The following CWC27 variants were observed in gnomAD, a reference collection of about 807,000 sequenced individuals.
CWC27 encodes CWC27 spliceosome associated cyclophilin.
CWC27 carries 47 observed loss-of-function variants against 63.6 expected under a neutral mutation model. The observed-to-expected ratio is 0.74, with a 90% CI of 0.58 to 0.94. CWC27 has a LOEUF of 0.94. CWC27 is among the 40% of genes least tolerant of loss of function. CWC27 has a pLI of 0.00. For synonymous variants in CWC27, 175 were observed against 179.8 expected (o/e 0.97, Z 0.22); for missense variants, 495 against 554.3 (o/e 0.89, Z 1.07).
At chr5:64,872,873 C>G (rs1472082022) in intron 10 of CWC27, among the ~76,000 whole-genome samples, 1 of 152,154 alleles carries the variant, frequency 6.6e-6, no homozygotes, top group Admixed American at 6.6e-5. Context: ...CCCAAACCCC[C>G]ACATTTCCCT....
chr5:64,986,558 A>T (rs1162693152), intron 13 of CWC27, among the ~76,000 whole-genome samples: 1 of 152,250 alleles, frequency 6.6e-6, no homozygotes, highest in African/African-American at 2.4e-5. Context: ...AGAGCAAGTT[A>T]GAAAGTGTTC....
At chr5:65,006,960 C>G (rs996540397) in intron 13 of CWC27, among the ~76,000 whole-genome samples, 1 of 121,116 alleles carries the variant, frequency 8.3e-6, no homozygotes, top group Non-Finnish European at 1.7e-5. Flanking sequence ...TTTAAAAAGA[C>G]AGAAAGAAAG....
chr5:65,005,956 CGA>C (rs763788618), intron 13 of CWC27, among the ~76,000 whole-genome samples: 14 of 151,918 alleles, frequency 9.2e-5, no homozygotes, highest in Admixed American at 2.6e-4. Flanking sequence ...CAAAGCAAAC[CGA>C]GAGTCATAGG....
At chr5:64,983,159 C>G (rs1443384291) in intron 13 of CWC27, among the ~76,000 whole-genome samples, 1 of 152,062 alleles carries the variant, frequency 6.6e-6, no homozygotes, top group African/African-American at 2.4e-5. Context: ...CCTGAGAACT[C>G]CAAAGAGCTT....
intron 11 of CWC27, among the ~76,000 whole-genome samples, chr5:64,952,255 A>G (rs1748723470): frequency 6.6e-6 from 1 of 151,962 alleles, no homozygotes; most frequent in Non-Finnish European, 1.5e-5. Flanking sequence ...ATACAGAAAC[A>G]TTTTTTTCCA....
chr5:64,934,949 C>A (rs981238054), intron 11 of CWC27, among the ~76,000 whole-genome samples: 2 of 151,812 alleles, frequency 1.3e-5, no homozygotes, highest in Non-Finnish European at 2.9e-5. Flanking sequence ...TTGATGAGGT[C>A]ATTTGGTTTT....
At position 64,919,104 on chromosome 5, in the gene CWC27, A is replaced by G. The variant is rs149276981; in HGVS notation, c.1042+33558A>G. Among the ~76,000 whole-genome samples, 344 of 152,328 alleles carry G rather than the reference A, an allele frequency of 2.3e-3. 1 individual carries two copies. Among genetic ancestry groups the G allele is most frequent in the African/African-American group, 7.9e-3 (327 of 41,576 alleles). On this transcript the variant is annotated intron_variant, in intron 11 of 13. Transcript: ENST00000381070. Reference sequence around the variant, plus strand: ...GATTTCCATATATTTTTGCTGTACAATTTAAAACATTATAATCTCTAAAGA... The same window carrying G: ...GATTTCCATATATTTTTGCTGTACAGTTTAAAACATTATAATCTCTAAAGA...
At chr5:65,015,673 A>C (rs1750037301) in intron 13 of CWC27, among the ~76,000 whole-genome samples, 1 of 152,192 alleles carries the variant, frequency 6.6e-6, no homozygotes, top group Admixed American at 6.5e-5. Context: ...CAAAGATTGT[A>C]AGAAGTGTTG....
intron 11 of CWC27, among the ~76,000 whole-genome samples, chr5:64,916,053 T>C (rs1426711384): frequency 6.6e-6 from 1 of 152,190 alleles, no homozygotes; most frequent in Non-Finnish European, 1.5e-5. Flanking sequence ...AAAGCTCAAG[T>C]ACCATTTTCT....
chr5:64,943,798 G>A (rs1231254719), intron 11 of CWC27, among the ~76,000 whole-genome samples: 1 of 151,912 alleles, frequency 6.6e-6, no homozygotes, highest in Non-Finnish European at 1.5e-5. Flanking sequence ...GAAGCAAAAG[G>A]GCTTTCTCCT....
chr5:64,821,664 A>G (rs781059421), intron 10 of CWC27, among the ~76,000 whole-genome samples: 2 of 152,194 alleles, frequency 1.3e-5, no homozygotes, highest in African/African-American at 2.4e-5. Flanking sequence ...TCTCTTTACC[A>G]TAGGATCAGA....
intron 10 of CWC27, among the ~76,000 whole-genome samples, chr5:64,810,253 G>A (rs1744837260): frequency 6.6e-6 from 1 of 151,970 alleles, no homozygotes; most frequent in Non-Finnish European, 1.5e-5. Context: ...CATTGGTTGA[G>A]GTGTCTGTTT....
chr5:64,849,907 G>A (rs1322788891), intron 10 of CWC27, among the ~76,000 whole-genome samples: 1 of 152,118 alleles, frequency 6.6e-6, no homozygotes, highest in Non-Finnish European at 1.5e-5. Flanking sequence ...CTGGAACTGT[G>A]AGTCAATTAA....
At chr5:64,885,658 A>G in intron 11 of CWC27, 112 bp downstream of exon 11, 2 of 612,010 alleles carry the variant, frequency 3.3e-6, no homozygotes, top group Non-Finnish European at 5.2e-6. Context: ...TTTCCTTCTC[A>G]TTTTTTCTTC....
intron 10 of CWC27, among the ~76,000 whole-genome samples, chr5:64,837,622 A>C (rs1162813919): frequency 6.6e-6 from 1 of 151,896 alleles, no homozygotes; most frequent in African/African-American, 2.4e-5. Context: ...CAAGAATATG[A>C]AGCAAGTTCA....
intron 10 of CWC27, among the ~76,000 whole-genome samples, chr5:64,849,798 TTCTC>T (rs147510078): frequency 2.7e-5 from 4 of 150,720 alleles, no homozygotes; most frequent in Admixed American, 6.6e-5. Flanking sequence ...TGTGTGGCAG[TTCTC>T]TCTCTCTCTC....
intron 11 of CWC27, among the ~76,000 whole-genome samples, chr5:64,959,411 C>G (rs917900728): frequency 6.6e-6 from 1 of 152,078 alleles, no homozygotes; most frequent in Non-Finnish European, 1.5e-5. Flanking sequence ...ATAATTTCCA[C>G]GATGGATTTT....
chr5:64,808,104 A>G, intron 10 of CWC27: 1 of 1,150,454 alleles, frequency 8.7e-7, no homozygotes, highest in Non-Finnish European at 1.1e-6. Context: ...TGATCTGTGA[A>G]GCAGTAGCAT....
At chr5:64,958,551 T>C (rs1188837513) in intron 11 of CWC27, among the ~76,000 whole-genome samples, 2 of 152,186 alleles carry the variant, frequency 1.3e-5, no homozygotes, top group Non-Finnish European at 2.9e-5. Context: ...AACTCCTAGA[T>C]ATGAACTCAT....
Sources: gnomAD v4.1 joint callset for allele counts (sites outside exome capture counted in the v4.1 genomes callset) on GRCh38, gnomAD v4.1.1 for gene constraint, MANE v1.5 for transcripts, NCBI Gene and HGNC (gene_info 2026-07-23, HGNC 2026-07-21) for gene names.